RAB22A: variants seen among roughly 807,000 people sequenced by gnomAD.
RAB22A encodes the protein ras-related protein Rab-22A.
A neutral mutation model predicts 30.2 loss-of-function variants in RAB22A; 13 were observed. The ratio of observed to expected loss-of-function variants is 0.43; its 90% CI spans 0.28 to 0.68. The LOEUF is 0.68. RAB22A is among the 30% of genes least tolerant of loss of function. The pLI is 0.18. For missense variants in RAB22A, 177 were observed against 246.8 expected, an observed-to-expected ratio of 0.72 and a Z score of 1.89; for synonymous variants, 89 against 87.2, an observed-to-expected ratio of 1.02 and a Z score of -0.11.
At chr20:58,331,295 G>A (rs1361624463) in intron 2 of RAB22A, among the ~76,000 whole-genome samples, 1 of 147,730 alleles carries the variant, frequency 6.8e-6, no homozygotes, top group Non-Finnish European at 1.5e-5. Context: ...TCACCACACA[G>A]TGTTTTTTTT....
chr20:58,340,310 G>C (rs1986833885), intron 2 of RAB22A, among the ~76,000 whole-genome samples: 2 of 152,128 alleles, frequency 1.3e-5, no homozygotes, highest in South Asian at 4.1e-4. Flanking sequence ...AGTTGGAGCT[G>C]GTGGCTTGGC....
At chr20:58,327,818 C>A (rs1170853696) in intron 2 of RAB22A, among the ~76,000 whole-genome samples, 1 of 152,152 alleles carries the variant, frequency 6.6e-6, no homozygotes, top group Non-Finnish European at 1.5e-5. Context: ...TTTGACAAAA[C>A]AACTGGCTTA....
At chr20:58,341,369 G>A (rs1986851047) in intron 2 of RAB22A, among the ~76,000 whole-genome samples, 1 of 152,118 alleles carries the variant, frequency 6.6e-6, no homozygotes, top group Non-Finnish European at 1.5e-5. Context: ...TTCCTCCAGC[G>A]AAGCCACCAC....
At chr20:58,318,228 G>A (rs1986382607) in intron 2 of RAB22A, among the ~76,000 whole-genome samples, 1 of 152,166 alleles carries the variant, frequency 6.6e-6, no homozygotes, top group Non-Finnish European at 1.5e-5. Context: ...AAAGCAATGT[G>A]TATATGGTTT....
chr20:58,317,161 A>G lies in RAB22A; in HGVS notation c.116+6039A>G, dbSNP rs139501862. On this transcript the variant is annotated intron_variant, in intron 2 of 6. Coordinates refer to ENST00000244040, the MANE Select transcript of RAB22A (RefSeq NM_020673.3). ...GCCCAGGCTGGAGTGCAGTGGCGCA[A>G]TCTCGGCTCACTGCAACCTCCGCCT... Among the ~76,000 whole-genome samples the G allele has an allele frequency of 2.0e-3, 300 of 152,082 alleles. 5 individuals carry two copies. The East Asian group carries it at 0.038, about 20-fold the overall frequency.
chr20:58,364,505 A>C lies in RAB22A; in HGVS notation c.*4802A>C, dbSNP rs1987280781. ...TATTACGTTGAACATTTTAGATAGT[A>C]AGATTAAGATGTATCATTAGTATAT... On this transcript the variant is annotated 3_prime_UTR_variant, in exon 7 of 7. Transcript: ENST00000244040. 6.6e-6 allele frequency: 1 copy of C among 152,222 alleles called. No individual in the cohort carries two copies. Among genetic ancestry groups the C allele is most frequent in the Non-Finnish European group, 1.5e-5 (1 of 68,036 alleles). 9.4% of individuals were successfully genotyped at this position (152,222 alleles called of 1,614,324 possible).
chr20:58,324,626 T>C (rs1986522848), intron 2 of RAB22A, among the ~76,000 whole-genome samples: 1 of 152,140 alleles, frequency 6.6e-6, no homozygotes, highest in South Asian at 2.1e-4. Context: ...CCCAGCACTT[T>C]GGGAGGCCGA....
chr20:58,337,602 G>A (rs775931668), intron 2 of RAB22A, among the ~76,000 whole-genome samples: 1 of 152,188 alleles, frequency 6.6e-6, no homozygotes, highest in Non-Finnish European at 1.5e-5. Context: ...CCCAGTGTAA[G>A]CCACTTGAGG....
intron 2 of RAB22A, 89 bp from the exon 3 acceptor site, chr20:58,343,629 C>A: frequency 1.0e-6 from 1 of 956,342 alleles, no homozygotes; most frequent in South Asian, 1.4e-5. Flanking sequence ...GGAGACTGAG[C>A]GTTGGTTGAG....
At chr20:58,347,159 C>A (rs1041307728) in intron 3 of RAB22A, among the ~76,000 whole-genome samples, 1 of 152,098 alleles carries the variant, frequency 6.6e-6, no homozygotes, top group Non-Finnish European at 1.5e-5. Flanking sequence ...AAATGAAAAC[C>A]CTTTTGATGA....
chr20:58,357,414 G>T (rs1461836108), intron 6 of RAB22A, among the ~76,000 whole-genome samples: 1 of 152,032 alleles, frequency 6.6e-6, no homozygotes, highest in East Asian at 1.9e-4. Context: ...GCTTGCCTTT[G>T]ATTTTTTTAG....
intron 2 of RAB22A, among the ~76,000 whole-genome samples, chr20:58,336,233 T>A (rs143497909): frequency 0.017 from 2,542 of 152,200 alleles, 29 homozygotes; most frequent in Non-Finnish European, 0.02. Context: ...GCTGGTCTCG[T>A]ACTCCTGACC....
Position 58,312,257 on chromosome 20 carries a change from T to C in RAB22A, c.116+1135T>C, listed in dbSNP as rs905883728. Reference sequence around the variant, plus strand: ...GGCATGAGCTGCCACACCTCGCCTATGTGTTCAATATTTTTTGTCTGCTTT... The same window carrying C: ...GGCATGAGCTGCCACACCTCGCCTACGTGTTCAATATTTTTTGTCTGCTTT... On this transcript the variant is annotated intron_variant, in intron 2 of 6. Transcript: ENST00000244040. Among the ~76,000 whole-genome samples the C allele has an allele frequency of 1.8e-4, 27 of 151,230 alleles. 1 individual carries two copies. In the East Asian group the frequency reaches 3.9e-3, roughly 22 times the overall value.
chr20:58,348,970 C>A (rs1195180570), intron 3 of RAB22A, among the ~76,000 whole-genome samples: 1 of 152,054 alleles, frequency 6.6e-6, no homozygotes, highest in Admixed American at 6.6e-5. Flanking sequence ...ATTATGTGAC[C>A]CATAAAGCCA....
At chr20:58,336,605 TA>T (rs1480782698) in intron 2 of RAB22A, among the ~76,000 whole-genome samples, 12 of 152,184 alleles carry the variant, frequency 7.9e-5, no homozygotes, top group African/African-American at 9.7e-5. Context: ...AGGCTCAGTT[TA>T]AAAAAAGAGA....
At chr20:58,355,490 C>T (rs6026210) in intron 6 of RAB22A, among the ~76,000 whole-genome samples, 8,172 of 152,192 alleles carry the variant, frequency 0.054, 263 homozygotes, top group Middle Eastern at 0.099. Context: ...CTACTGATTG[C>T]ACCCTCTAGG....
chr20:58,352,207 C>T (rs939550325), intron 3 of RAB22A, among the ~76,000 whole-genome samples: 1 of 152,022 alleles, frequency 6.6e-6, no homozygotes, highest in Non-Finnish European at 1.5e-5. Context: ...TATCGTAAAA[C>T]TCAAATTAAT....
At chr20:58,352,350 A>G (rs998014536) in intron 3 of RAB22A, among the ~76,000 whole-genome samples, 1 of 152,212 alleles carries the variant, frequency 6.6e-6, no homozygotes. Flanking sequence ...GGGGTAAACC[A>G]CCATTAACAA....
chr20:58,354,462 G>C (rs1421244703), intron 6 of RAB22A, among the ~76,000 whole-genome samples, 197 bp downstream of exon 6: 2 of 152,158 alleles, frequency 1.3e-5, no homozygotes, highest in African/African-American at 2.4e-5. Context: ...CCGCCCTTCT[G>C]GAAAGAGTGT....
Sources: allele counts gnomAD v4.1 joint callset (sites outside exome capture counted in the v4.1 genomes callset), GRCh38; gene constraint gnomAD v4.1.1; transcripts MANE v1.5; gene names NCBI Gene and HGNC (gene_info 2026-07-23, HGNC 2026-07-21).